TCF7L2: variants seen among roughly 807,000 people sequenced by gnomAD.
TCF7L2 encodes transcription factor 7-like 2.
TCF7L2 carries 23 observed loss-of-function variants against 77.9 expected under a neutral mutation model. That is an observed-to-expected ratio of 0.30 (90% CI 0.21 to 0.42). TCF7L2 has a LOEUF of 0.42. Among genes scored for constraint, TCF7L2 ranks in the 10% least tolerant of loss-of-function variants. The pLI is 1.00. For missense variants in TCF7L2, 654 were observed against 793.1 expected (o/e 0.82, Z 2.11); for synonymous variants, 413 against 340.2 (o/e 1.21, Z -2.36).
intron 4 of TCF7L2, among the ~76,000 whole-genome samples, chr10:113,003,572 A>G (rs887385706): frequency 6.6e-6 from 1 of 152,128 alleles, no homozygotes; most frequent in Non-Finnish European, 1.5e-5. Flanking sequence ...AACTTACCAA[A>G]CGATTTATGG....
chr10:112,963,296 T>C (rs1196963168), intron 3 of TCF7L2, among the ~76,000 whole-genome samples: 1 of 152,212 alleles, frequency 6.6e-6, no homozygotes, highest in Non-Finnish European at 1.5e-5. Context: ...TTTTCCACTT[T>C]TATTTATTTT....
chr10:112,998,092 C>G (rs1240826963), intron 4 of TCF7L2, among the ~76,000 whole-genome samples: 2 of 150,520 alleles, frequency 1.3e-5, no homozygotes, highest in Non-Finnish European at 3.0e-5. Context: ...GGCCCAGGTT[C>G]TGGTCCTACT....
At chr10:113,117,418 T>C (rs867662266) in intron 5 of TCF7L2, among the ~76,000 whole-genome samples, 63 of 41,668 alleles carry the variant, frequency 1.5e-3, no homozygotes, top group East Asian at 3.2e-3. Context: ...TCTCTCTCTC[T>C]CTCTCTCTCT....
At chr10:113,129,573 T>A in intron 5 of TCF7L2, 1 of 1,003,238 alleles carries the variant, frequency 1.0e-6, no homozygotes, top group Non-Finnish European at 1.2e-6. Flanking sequence ...TTTTTAAGAT[T>A]TTTTTAGGGA....
At chr10:113,109,510 C>A (rs2062847965) in intron 5 of TCF7L2, among the ~76,000 whole-genome samples, 1 of 152,214 alleles carries the variant, frequency 6.6e-6, no homozygotes, top group Admixed American at 6.5e-5. Context: ...TTTGCCTCAG[C>A]CTCCCAAGTA....
At chr10:113,140,805 G>A (rs1319194628) in intron 5 of TCF7L2, among the ~76,000 whole-genome samples, 3 of 152,146 alleles carry the variant, frequency 2.0e-5, no homozygotes, top group Non-Finnish European at 2.9e-5. Flanking sequence ...CCTGGAGGTG[G>A]GGCCTTGGGG....
intron 4 of TCF7L2, among the ~76,000 whole-genome samples, chr10:112,972,975 C>G (rs1363474207): frequency 6.6e-6 from 1 of 152,202 alleles, no homozygotes; most frequent in Non-Finnish European, 1.5e-5. Context: ...CTATTGCCTG[C>G]TCAAAGTAAT....
At chr10:113,058,283 C>T (rs61123794) in intron 5 of TCF7L2, among the ~76,000 whole-genome samples, 2,928 of 152,094 alleles carry the variant, frequency 0.019, 30 homozygotes, top group African/African-American at 0.023. Flanking sequence ...TGTCTGATGC[C>T]CCAGCTTGGG....
At chr10:113,129,361 C>A in intron 5 of TCF7L2, 1 of 989,840 alleles carries the variant, frequency 1.0e-6, no homozygotes, top group Non-Finnish European at 1.2e-6. Flanking sequence ...AGCTCTGTCC[C>A]TGCTGCCCAA....
intron 7 of TCF7L2, 61 bp downstream of exon 7, chr10:113,144,086 T>A (rs1049711829): frequency 7.5e-7 from 1 of 1,340,442 alleles, no homozygotes. Flanking sequence ...TTATTATTTA[T>A]TCTGTGTGTG....
chr10:113,092,554 T>C, intron 5 of TCF7L2, among the ~76,000 whole-genome samples: 1 of 152,168 alleles, frequency 6.6e-6, no homozygotes, highest in East Asian at 1.9e-4. Flanking sequence ...TCCATGGAAA[T>C]TCACATGTAA....
At chr10:113,052,416 G>A (rs753178938) in intron 5 of TCF7L2, among the ~76,000 whole-genome samples, 4 of 152,190 alleles carry the variant, frequency 2.6e-5, no homozygotes, top group Non-Finnish European at 5.9e-5. Flanking sequence ...TTGGGAAAGT[G>A]TCAGAAATTG....
rs149215560 is a variant in TCF7L2, at chr10:113,048,668, C to T, written c.552+8542C>T. 3.9e-4 allele frequency among the ~76,000 whole-genome samples: 60 copies of T among 152,314 alleles called. No individual in the cohort carries two copies. The East Asian group carries it at 0.011, about 28-fold the overall frequency. On this transcript the variant is annotated intron_variant, in intron 5 of 13. Transcript: ENST00000627217. ...TTATACATTCCAGCTCACAGTGGAG[C>T]GTGTCTAATTGCCACAGCAGCATTT...
At chr10:113,114,647 C>A (rs11196234) in intron 5 of TCF7L2, among the ~76,000 whole-genome samples, 32,720 of 152,158 alleles carry the variant, frequency 0.22, 3,827 homozygotes, top group African/African-American at 0.26. Context: ...GTGAGGATTT[C>A]TTTAGTGTAA....
intron 5 of TCF7L2, among the ~76,000 whole-genome samples, chr10:113,139,824 A>G (rs1445224084): frequency 6.6e-6 from 1 of 151,838 alleles, no homozygotes; most frequent in African/African-American, 2.4e-5. Flanking sequence ...AAAAAAAAAA[A>G]AAAAAAGGAC....
rs139118003 is a variant in TCF7L2, at chr10:113,100,405, G to C, written c.553-40779G>C. Among the ~76,000 whole-genome samples the C allele has an allele frequency of 3.0e-4, 46 of 152,244 alleles. No homozygotes were observed. In the East Asian group the frequency reaches 8.7e-3, roughly 29 times the overall value. ...GGCAGAAGGCAGAATGATCAGCTCTGCTCTGAATGTGTTTGCCATTTGATT... is the reference window on the plus strand; with the variant it reads ...GGCAGAAGGCAGAATGATCAGCTCTCCTCTGAATGTGTTTGCCATTTGATT... On this transcript the variant is annotated intron_variant, in intron 5 of 13. Coordinates refer to ENST00000627217, the MANE Select transcript of TCF7L2 (RefSeq NM_001146274.2).
At chr10:113,030,035 C>G (rs1472537215) in intron 4 of TCF7L2, among the ~76,000 whole-genome samples, 1 of 152,086 alleles carries the variant, frequency 6.6e-6, no homozygotes, top group East Asian at 1.9e-4. Flanking sequence ...ATATTTTTAT[C>G]ATCCCCAAAA....
chr10:112,960,074 G>A (rs549406387), intron 3 of TCF7L2, among the ~76,000 whole-genome samples: 153 of 152,076 alleles, frequency 1.0e-3, no homozygotes, highest in African/African-American at 3.5e-3. Context: ...TTAGCAGGAC[G>A]AATAGGCATC....
intron 5 of TCF7L2, among the ~76,000 whole-genome samples, chr10:113,098,619 T>C (rs773981073): frequency 1.3e-5 from 2 of 152,042 alleles, no homozygotes; most frequent in Non-Finnish European, 2.9e-5. Flanking sequence ...GGCAGGAGAA[T>C]CGCTTGAACC....
Sources: allele counts gnomAD v4.1 joint callset (sites outside exome capture counted in the v4.1 genomes callset), GRCh38; gene constraint gnomAD v4.1.1; transcripts MANE v1.5; gene names NCBI Gene and HGNC (gene_info 2026-07-23, HGNC 2026-07-21).